Variants in MLXIP observed in about 807,000 individuals in gnomAD.
MLXIP encodes MLX-interacting protein.
Under a neutral mutation model 87.2 loss-of-function variants are expected in MLXIP, and 30 were observed. The observed-to-expected ratio is 0.34, with a 90% CI of 0.26 to 0.47. The LOEUF (loss-of-function observed/expected upper bound fraction) is 0.47, where lower values mean the gene tolerates loss of function less well. Among genes scored for constraint, MLXIP ranks in the 20% least tolerant of loss-of-function variants. The pLI is 1.00. For synonymous variants in MLXIP, 530 were observed against 514.0 expected, an observed-to-expected ratio of 1.03 and a Z score of -0.42; for missense variants, 1,002 against 1,240.1, an observed-to-expected ratio of 0.81 and a Z score of 2.88.
In MLXIP at chr12:122,138,518, G is replaced by A. The variant is rs1194779466; in HGVS notation, c.2351G>A (p.Arg784Gln). 40 of 1,613,406 alleles carry A rather than the reference G, an allele frequency of 2.5e-5. No individual in the cohort carries two copies. The highest frequency in any genetic ancestry group is 3.3e-5 in the Non-Finnish European group (39 of 1,179,762). Residue 784 changes from arginine to glutamine, a missense_variant, in exon 14 of 17, where the codon CGG becomes CAG. Physicochemically the swap from Arg to Gln is conservative, Grantham distance 43. Transcript: ENST00000319080. ...ATGCAGGAGGAGGCCCGGCGGCTGCGGGAGGAGATCGAGGAGCTCAATGCC... is the reference window on the plus strand; with the variant it reads ...ATGCAGGAGGAGGCCCGGCGGCTGCAGGAGGAGATCGAGGAGCTCAATGCC... ...GQMQEEARRLREEIEELNATI... is the reference protein window; with the variant it reads ...GQMQEEARRLQEEIEELNATI...
At chr12:122,095,303 G>GT (rs1952335593) in intron 1 of MLXIP, among the ~76,000 whole-genome samples, 2 of 151,596 alleles carry the variant, frequency 1.3e-5, no homozygotes, top group African/African-American at 4.9e-5. Flanking sequence ...TGTGTGGGGG[G>GT]GTGTGTGTTT....
In MLXIP at chr12:122,145,617, C is replaced by T. The variant is rs1322443032; in HGVS notation, c.*3805C>T. The T allele has an allele frequency of 1.3e-5, 2 of 152,448 alleles. No individual in the cohort carries two copies. The highest frequency in any genetic ancestry group is 4.8e-5 in the African/African-American group (2 of 41,448). 9.4% of individuals were successfully genotyped at this position (152,448 alleles called of 1,614,324 possible). A position where few individuals can be genotyped will look rare whatever the true frequency, so the allele number is the denominator to read the frequency against. ...TGAGAACTGGCGAGGCCCCTTCCTC[C>T]AAGGCCCTAGCTGGCCCCCGGGTGA... On this transcript the variant is annotated 3_prime_UTR_variant, in exon 17 of 17. Coordinates refer to ENST00000319080, the MANE Select transcript of MLXIP (RefSeq NM_014938.6).
At chr12:122,100,278 G>A (rs1952417799) in intron 1 of MLXIP, among the ~76,000 whole-genome samples, 1 of 152,182 alleles carries the variant, frequency 6.6e-6, no homozygotes, top group African/African-American at 2.4e-5. Flanking sequence ...AGTTTTATGG[G>A]ATTAAGGTTG....
chr12:122,102,415 A>G (rs909065227), intron 1 of MLXIP, among the ~76,000 whole-genome samples: 76 of 152,090 alleles, frequency 5.0e-4, no homozygotes, highest in African/African-American at 1.7e-3. Flanking sequence ...TAGCCTGTGG[A>G]AAGTGTGGGA....
intron 1 of MLXIP, among the ~76,000 whole-genome samples, chr12:122,094,868 GTGT>G (rs1459507503): frequency 6.8e-6 from 1 of 147,922 alleles, no homozygotes. Flanking sequence ...CTATGGTGTG[GTGT>G]TGGTGTGTGT....
At chr12:122,116,948 C>T (rs1000716036) in intron 1 of MLXIP, among the ~76,000 whole-genome samples, 6 of 152,214 alleles carry the variant, frequency 3.9e-5, no homozygotes, top group African/African-American at 1.4e-4. Flanking sequence ...GGACACAGCC[C>T]ATCCCAGGCA....
chr12:122,142,344 A>G lies in MLXIP; in HGVS notation c.*532A>G, dbSNP rs1220221799. On this transcript the variant is annotated 3_prime_UTR_variant, in exon 17 of 17. Transcript: ENST00000319080. ...GACAGCACCCAGCCCTTGTGGATGG[A>G]CTTGGGCTTCTATTCAGGCTTATGC... The G allele has an allele frequency of 1.7e-6, 1 of 604,524 alleles. No individual in the cohort carries two copies. The highest frequency in any genetic ancestry group is 3.1e-6 in the Non-Finnish European group (1 of 322,432). 37.4% of individuals were successfully genotyped at this position (604,524 alleles called of 1,614,324 possible). A position where few individuals can be genotyped will look rare whatever the true frequency, so the allele number is the denominator to read the frequency against.
intron 1 of MLXIP, among the ~76,000 whole-genome samples, chr12:122,084,589 C>G (rs1350101174): frequency 4.6e-5 from 7 of 152,192 alleles, no homozygotes; most frequent in Admixed American, 4.6e-4. Context: ...TCTTGTCACC[C>G]AGGCTGGAGT....
intron 1 of MLXIP, among the ~76,000 whole-genome samples, chr12:122,100,747 G>A (rs575786313): frequency 6.6e-6 from 1 of 152,276 alleles, no homozygotes; most frequent in East Asian, 1.9e-4. Context: ...TAAAACAAGG[G>A]TAATTAACTT....
chr12:122,142,558 C>T lies in MLXIP; in HGVS notation c.*746C>T. On this transcript the variant is annotated 3_prime_UTR_variant, in exon 17 of 17. Coordinates refer to ENST00000319080, the MANE Select transcript of MLXIP (RefSeq NM_014938.6). ...TAGCTCCACCTGACATTGCAGGATC[C>T]ATGGGGACTCAGCCCAGGGCCTTCT... The T allele has an allele frequency of 5.8e-6, 2 of 342,594 alleles. No individual in the cohort carries two copies. The highest frequency in any genetic ancestry group is 4.5e-5 in the South Asian group (2 of 44,052). 21.2% of individuals were successfully genotyped at this position (342,594 alleles called of 1,614,324 possible).
At chr12:122,103,775 C>T (rs1314990753) in intron 1 of MLXIP, among the ~76,000 whole-genome samples, 5 of 148,650 alleles carry the variant, frequency 3.4e-5, no homozygotes, top group East Asian at 2.0e-4. Context: ...ATGATCCTCC[C>T]GCCTTGGCCT....
chr12:122,128,083 G>A, intron 3 of MLXIP, 115 bp downstream of exon 3: 1 of 895,050 alleles, frequency 1.1e-6, no homozygotes, highest in Non-Finnish European at 1.8e-6. Flanking sequence ...TGCAGCGCCT[G>A]CCCTGCGCCA....
chr12:122,105,351 G>A (rs1952503373), intron 1 of MLXIP, among the ~76,000 whole-genome samples: 1 of 151,514 alleles, frequency 6.6e-6, no homozygotes, highest in Admixed American at 6.6e-5. Flanking sequence ...GATTTTTCAC[G>A]GGTTTTTTTT....
At chr12:122,134,149 A>T in intron 9 of MLXIP, 162 bp downstream of exon 9, 1 of 870,324 alleles carries the variant, frequency 1.1e-6, no homozygotes, top group Non-Finnish European at 1.7e-6. Context: ...ATGAAATAAT[A>T]CATGGCCATG....
chr12:122,085,751 G>A (rs1449181372), intron 1 of MLXIP, among the ~76,000 whole-genome samples: 5 of 152,122 alleles, frequency 3.3e-5, no homozygotes, highest in Admixed American at 1.3e-4. Flanking sequence ...GCGTGGAGTG[G>A]GACAACAAGA....
chr12:122,133,232 C>G lies in MLXIP; in HGVS notation c.1093-116C>G, dbSNP rs1268737001. 1 of 1,211,914 alleles carries G rather than the reference C, an allele frequency of 8.3e-7. No individual in the cohort carries two copies. Among genetic ancestry groups the G allele is most frequent in the Admixed American group, 2.5e-5 (1 of 40,310 alleles). The allele number at this position is 1,211,914 out of a possible 1,614,324, so 75.1% of individuals were successfully genotyped here. A position where few individuals can be genotyped will look rare whatever the true frequency, so the allele number is the denominator to read the frequency against. ...AGCAGCCATGGACGTGGAGACGTGG[C>G]CTTTGTCCCTCTGTCCCAGCGCCCG... is the stretch of plus-strand genomic sequence containing the variant. On this transcript the variant is annotated intron_variant, in intron 8 of 16. Coordinates refer to ENST00000319080, the MANE Select transcript of MLXIP (RefSeq NM_014938.6). The surrounding 1 kb of genome is among the most constrained non-coding windows in gnomAD (Gnocchi z 4.9).
In MLXIP at chr12:122,135,387, C is replaced by T. The variant is rs1953068904; in HGVS notation, c.1854+42C>T. The T allele has an allele frequency of 6.2e-7, 1 of 1,601,412 alleles. No homozygotes were observed. The highest frequency in any genetic ancestry group is 2.2e-5 in the East Asian group (1 of 44,796). ...GCAGACCTGCAGTGTCCTTCTCACC[C>T]CGGAGCACTCTGATCTTGGGCGGCC... On this transcript the variant is annotated intron_variant, in intron 10 of 16. Coordinates refer to ENST00000319080, the MANE Select transcript of MLXIP (RefSeq NM_014938.6). The surrounding 1 kb of genome is among the most constrained non-coding windows in gnomAD (Gnocchi z 5.3).
At position 122,137,455 on chromosome 12, in the gene MLXIP, T is replaced by A. The variant is rs750326143; in HGVS notation, c.2033-14T>A. 4.3e-6 allele frequency: 7 copies of A among 1,610,386 alleles called. No individual in the cohort carries two copies. In the African/African-American group the frequency reaches 9.4e-5, roughly 22 times the overall value. On this transcript the variant is annotated splice_polypyrimidine_tract_variant and intron_variant, in intron 11 of 16. Coordinates refer to ENST00000319080, the MANE Select transcript of MLXIP (RefSeq NM_014938.6). This position sits in a 1 kb window ranked among gnomAD's most constrained non-coding sequence, Gnocchi z 4.1. The stretch of plus-strand genomic sequence containing the variant: ...GCCAGGCCTCCGCCCCTCAGAGGAG[T>A]CTGTTCTTACCAGGTCGGGACTGCC...
In MLXIP at chr12:122,079,045, G is replaced by A; in HGVS notation, c.192G>A (p.Gly64=). The A allele has an allele frequency of 3.4e-6, 5 of 1,485,832 alleles. No homozygotes were observed. The highest frequency in any genetic ancestry group is 2.9e-5 in the East Asian group (1 of 34,750). 92.0% of individuals were successfully genotyped at this position (1,485,832 alleles called of 1,614,324 possible). The change falls in exon 1 of 17, where the codon GGG becomes GGA. Residue 64 remains glycine, a synonymous_variant. Coordinates refer to ENST00000319080, the MANE Select transcript of MLXIP (RefSeq NM_014938.6). ...CCGCGCCACCGCCGCCTCGGGCCGG[G>A]CCGGGCCGCGAGGAACCTCCGCGCC... is the stretch of plus-strand genomic sequence containing the variant. ...ASAAPPPPRA[G]PGREEPPRRQ...
Sources: gnomAD v4.1 joint callset for allele counts (sites outside exome capture counted in the v4.1 genomes callset) on GRCh38, gnomAD v4.1.1 for gene constraint, Gnocchi (gnomAD v3.1) non-coding constraint, MANE v1.5 for transcripts, NCBI Gene and HGNC (gene_info 2026-07-23, HGNC 2026-07-21) for gene names.